The following AKTIP variants were observed in gnomAD, a reference collection of about 807,000 sequenced individuals.
AKTIP encodes AKT interacting protein.
AKTIP carries 16 observed loss-of-function variants against 39.1 expected under a neutral mutation model. The ratio of observed to expected loss-of-function variants is 0.41; its 90% CI spans 0.28 to 0.62. AKTIP has a LOEUF of 0.62. Among genes scored for constraint, AKTIP ranks in the 20% least tolerant of loss-of-function variants. The probability of loss-of-function intolerance (pLI) is 0.32; values close to 1 mark genes in which losing one functional copy is unlikely to be tolerated. For missense variants in AKTIP, 262 were observed against 356.6 expected (o/e 0.73, Z 2.14); for synonymous variants, 93 against 124.3 (o/e 0.75, Z 1.67).
chr16:53,497,961 C>T (rs1961940722), intron 3 of AKTIP, among the ~76,000 whole-genome samples: 2 of 152,320 alleles, frequency 1.3e-5, no homozygotes, highest in South Asian at 2.1e-4. Flanking sequence ...CTTGGCCAGG[C>T]TGGTCTTGAA....
intron 8 of AKTIP, chr16:53,493,234 G>A (rs1567755808): frequency 1.3e-5 from 2 of 158,686 alleles, no homozygotes; most frequent in Admixed American, 1.2e-4. Flanking sequence ...CAAGATCTTG[G>A]CTCACTGCAA....
chr16:53,492,607 C>G (rs1218114607), intron 9 of AKTIP, 86 bp downstream of exon 9: 2 of 1,597,786 alleles, frequency 1.3e-6, no homozygotes, highest in South Asian at 2.2e-5. Context: ...AAAAAAGTTA[C>G]TTGTATGTAA....
Position 53,500,316 on chromosome 16 carries a change from G to C in AKTIP, c.-57C>G. 1 of 1,595,906 alleles carries C rather than the reference G, an allele frequency of 6.3e-7. No homozygotes were observed. The highest frequency in any genetic ancestry group is 8.5e-7 in the Non-Finnish European group (1 of 1,174,426). ...TGTATCATCCAAATCTTCTGTCTTC[G>C]GCATTCACTTTACCTTAAAACAAGA... is the stretch of plus-strand genomic sequence containing the variant. On this transcript the variant is annotated 5_prime_UTR_variant, in exon 2 of 10. Coordinates refer to ENST00000394657, the MANE Select transcript of AKTIP (RefSeq NM_022476.4).
At chr16:53,499,417 G>A (rs1962030548) in intron 2 of AKTIP, among the ~76,000 whole-genome samples, 1 of 151,048 alleles carries the variant, frequency 6.6e-6, no homozygotes, top group African/African-American at 2.4e-5. Flanking sequence ...AAAAGTAATA[G>A]TGGTGTTTGT....
intron 8 of AKTIP, chr16:53,492,966 T>C (rs1404161042): frequency 7.5e-6 from 4 of 530,688 alleles, no homozygotes; most frequent in Non-Finnish European, 1.0e-5. Context: ...ACACCACCCC[T>C]TGAAGTACTG....
At chr16:53,498,671 G>C in intron 2 of AKTIP, 75 bp from the exon 3 acceptor site, 1 of 1,425,384 alleles carries the variant, frequency 7.0e-7, no homozygotes, top group South Asian at 1.2e-5. Flanking sequence ...TAGCTCCATG[G>C]CCTAAATGCT....
chr16:53,492,725 C>G lies in AKTIP; in HGVS notation c.739G>C (p.Asp247His), dbSNP rs750806890. The change falls in exon 9 of 10, where the codon GAT becomes CAT. Residue 247 changes from aspartate (D) to histidine (H), a missense_variant. Around this residue, in one of 4 missense-constraint regions of AKTIP, gnomAD observed 145 missense variants for 159.3 expected, o/e 0.91. Coordinates refer to ENST00000394657, the MANE Select transcript of AKTIP (RefSeq NM_022476.4). The stretch of plus-strand genomic sequence containing the variant: ...GTCAGCATCTTTTCTCTGGCTTCAT[C>G]ATGTACAGAAGGATTCCATGGAGAA... ...SFSPWNPSVH[D>H]EAREKMLTQK... The G allele has an allele frequency of 2.5e-6, 4 of 1,614,094 alleles. No individual in the cohort carries two copies. Among genetic ancestry groups the G allele is most frequent in the Non-Finnish European group, 3.4e-6 (4 of 1,179,964 alleles).
chr16:53,492,197 A>AGAT lies in AKTIP; in HGVS notation c.*212_*214dup, dbSNP rs1343460453. The AGAT allele has an allele frequency of 4.1e-6, 2 of 493,094 alleles. No individual in the cohort carries two copies. Among genetic ancestry groups the AGAT allele is most frequent in the African/African-American group, 3.9e-5 (2 of 51,670 alleles). 30.5% of individuals were successfully genotyped at this position (493,094 alleles called of 1,614,324 possible). ...CCCCAATAATTTGGAGTACTGAACT[A>AGAT]GATAACCACCCTAAGACACTTCTGA... On this transcript the variant is annotated 3_prime_UTR_variant, in exon 10 of 10. Coordinates refer to ENST00000394657, the MANE Select transcript of AKTIP (RefSeq NM_022476.4).
At chr16:53,500,853 GTCTATAAGAA>G (rs1311000934) in intron 1 of AKTIP, among the ~76,000 whole-genome samples, 1 of 152,160 alleles carries the variant, frequency 6.6e-6, no homozygotes, top group Non-Finnish European at 1.5e-5. Flanking sequence ...ACACTTAGAT[GTCTATAAGAA>G]TCTGTGCACC....
chr16:53,498,351 A>G, intron 3 of AKTIP, 40 bp downstream of exon 3: 1 of 1,596,002 alleles, frequency 6.3e-7, no homozygotes, highest in Non-Finnish European at 8.6e-7. Flanking sequence ...ACTTTAAAGG[A>G]TCATTCCTAA....
At chr16:53,494,682 AAG>A in intron 5 of AKTIP, 77 bp from the exon 6 acceptor site, 1 of 1,403,844 alleles carries the variant, frequency 7.1e-7, no homozygotes, top group African/African-American at 1.4e-5. Flanking sequence ...TCGTGATAAA[AAG>A]AGCTTCAGGA....
At chr16:53,496,823 A>G (rs968417346) in intron 3 of AKTIP, among the ~76,000 whole-genome samples, 2 of 152,084 alleles carry the variant, frequency 1.3e-5, no homozygotes, top group African/African-American at 4.8e-5. Context: ...CCTGGGTGAC[A>G]CAGTGAGACT....
chr16:53,492,637 G>GA, intron 9 of AKTIP, 56 bp downstream of exon 9: 1 of 1,605,724 alleles, frequency 6.2e-7, no homozygotes, highest in East Asian at 2.2e-5. Flanking sequence ...TCCAAATGAA[G>GA]ACATTTTAGA....
At chr16:53,497,320 C>G (rs1198859828) in intron 3 of AKTIP, among the ~76,000 whole-genome samples, 1 of 152,240 alleles carries the variant, frequency 6.6e-6, no homozygotes, top group African/African-American at 2.4e-5. Context: ...TGCAGCCCAG[C>G]TGCAGACCTC....
Position 53,494,193 on chromosome 16 carries a change from C to A in AKTIP, c.655G>T (p.Val219Leu), listed in dbSNP as rs911361305. The A allele has an allele frequency of 8.7e-6, 14 of 1,614,042 alleles. No homozygotes were observed. Among genetic ancestry groups the A allele is most frequent in the Non-Finnish European group, 1.1e-5 (13 of 1,180,036 alleles). The change falls in exon 8 of 10, where the codon GTG becomes TTG. Residue 219 changes from valine to leucine, a missense_variant. Val to Leu is a conservative substitution (Grantham distance 32, BLOSUM62 1). This residue lies in a region of AKTIP where 145 missense variants were observed against 159.3 expected (regional missense o/e 0.91). Coordinates refer to ENST00000394657, the MANE Select transcript of AKTIP (RefSeq NM_022476.4). ...FKSKVVDSVK[V>L]CTARLFDQPK... Reference sequence around the variant, plus strand: ...TGGTCAAACAAACGAGCAGTGCACACCTTAACACTGTCAACAACTTTACTT... The same window carrying A: ...TGGTCAAACAAACGAGCAGTGCACAACTTAACACTGTCAACAACTTTACTT...
chr16:53,495,189 A>G lies in AKTIP; in HGVS notation c.314-16T>C. The G allele has an allele frequency of 6.2e-7, 1 of 1,612,570 alleles. No homozygotes were observed. The highest frequency in any genetic ancestry group is 8.5e-7 in the Non-Finnish European group (1 of 1,178,924). ...CCAAACCACACTGTAGGAAAAAATA[A>G]AAGAGTTAAGGCCTAAATTTGTGTG... On this transcript the variant is annotated splice_polypyrimidine_tract_variant and intron_variant, in intron 4 of 9. Coordinates refer to ENST00000394657, the MANE Select transcript of AKTIP (RefSeq NM_022476.4).
chr16:53,500,029 C>T (rs2150869452), intron 2 of AKTIP, among the ~76,000 whole-genome samples, 189 bp downstream of exon 2: 1 of 152,278 alleles, frequency 6.6e-6, no homozygotes, highest in African/African-American at 2.4e-5. Flanking sequence ...AGATGCAATC[C>T]TAGTCTCAGA....
Position 53,500,225 on chromosome 16 carries a change from A to C in AKTIP, c.35T>G (p.Val12Gly), listed in dbSNP as rs1364897796. The C allele has an allele frequency of 6.2e-7, 1 of 1,611,728 alleles. No individual in the cohort carries two copies. The highest frequency in any genetic ancestry group is 8.5e-7 in the Non-Finnish European group (1 of 1,178,474). Reference protein sequence around the residue: ...NPFWSMSTSSVRKRSEGEEKT... With the variant: ...NPFWSMSTSSGRKRSEGEEKT... ...TTTATCAACTATACCTACTTTGCGT[A>C]CAGAGCTTGTAGACATGCTCCAGAA... Residue 12 changes from valine to glycine, a missense_variant, in exon 2 of 10, where the codon GTA (valine) becomes GGA (glycine). Val to Gly is a moderately radical substitution (Grantham distance 109). This residue lies in a region of AKTIP where 88 missense variants were observed against 132.1 expected (regional missense o/e 0.67). Transcript: ENST00000394657.
At chr16:53,494,713 T>C in intron 5 of AKTIP, 108 bp from the exon 6 acceptor site, 5 of 1,090,724 alleles carry the variant, frequency 4.6e-6, no homozygotes, top group Non-Finnish European at 6.7e-6. Flanking sequence ...TCACGTTATT[T>C]AAAGCTAAAG....
Sources: gnomAD v4.1 joint callset for allele counts (sites outside exome capture counted in the v4.1 genomes callset) on GRCh38, gnomAD v4.1.1 for gene constraint, gnomAD v4.1.1 regional missense constraint, MANE v1.5 for transcripts, NCBI Gene and HGNC (gene_info 2026-07-23, HGNC 2026-07-21) for gene names.